Variants in IER3IP1 observed in about 807,000 individuals in gnomAD.
IER3IP1 encodes the protein immediate early response 3 interacting protein 1.
In IER3IP1, 16 loss-of-function variants were observed where a neutral mutation model predicts 12.2. The observed-to-expected ratio is 1.31, with a 90% CI of 0.89 to 1.99. The LOEUF (loss-of-function observed/expected upper bound fraction) is 1.99. IER3IP1 is among the 30% of genes most tolerant of loss of function. The pLI is 0.00. For missense variants in IER3IP1, 95 were observed against 95.8 expected, an observed-to-expected ratio of 0.99 and a Z score of 0.03; for synonymous variants, 42 against 40.0, an observed-to-expected ratio of 1.05 and a Z score of -0.19.
chr18:47,160,810 A>G (rs1164663449), intron 1 of IER3IP1, among the ~76,000 whole-genome samples: 1 of 152,140 alleles, frequency 6.6e-6, no homozygotes, highest in East Asian at 1.9e-4. Context: ...TGCCAGGAGG[A>G]CATATCTTTT....
intron 2 of IER3IP1, chr18:47,156,815 CA>C: frequency 1.2e-5 from 1 of 84,070 alleles, no homozygotes; most frequent in Middle Eastern, 0.013. Context: ...TTTTTTGAGA[CA>C]GAGTTTTGCT....
At position 47,176,227 on chromosome 18, in the gene IER3IP1, G is replaced by A; in HGVS notation, c.51C>T (p.Asn17=). Residue 17 remains asparagine (N), a synonymous_variant, in exon 1 of 3, where the codon AAC becomes AAT. Coordinates refer to ENST00000256433, the MANE Select transcript of IER3IP1 (RefSeq NM_016097.5). The stretch of plus-strand genomic sequence containing the variant: ...GCTCCTCGTGCAGCACTGCGATGGC[G>A]TTGACGCAGAGCAGGGCTGCCTGCA... ...SLLQAALLCV[N]AIAVLHEERF... 2 of 1,608,610 alleles carry A rather than the reference G, an allele frequency of 1.2e-6. No homozygotes were observed. The highest frequency in any genetic ancestry group is 1.7e-6 in the Non-Finnish European group (2 of 1,177,916).
chr18:47,155,665 T>C lies in IER3IP1; in HGVS notation c.*512A>G, dbSNP rs1184774088. On this transcript the variant is annotated 3_prime_UTR_variant, in exon 3 of 3. Transcript: ENST00000256433. ...AAATTTGAATTTATAGCTGAGACAA[T>C]AGACAAAATAATTAACCAAGGAGCT... 1 of 152,460 alleles carries C rather than the reference T, an allele frequency of 6.6e-6. No individual in the cohort carries two copies. Among genetic ancestry groups the C allele is most frequent in the Admixed American group, 6.5e-5 (1 of 15,290 alleles). The allele number at this position is 152,460 out of a possible 1,614,324, so 9.4% of individuals were successfully genotyped here.
At chr18:47,175,764 C>CTCTTAGCCCGAAACTCGGGCTAAGAAT (rs1471549337) in intron 1 of IER3IP1, among the ~76,000 whole-genome samples, 1 of 151,932 alleles carries the variant, frequency 6.6e-6, no homozygotes, top group Admixed American at 6.6e-5. Flanking sequence ...CCCGGCCCCA[C>CTCTTAGCCCGAAACTCGGGCTAAGAAT]ACCCCCAACT....
intron 1 of IER3IP1, among the ~76,000 whole-genome samples, chr18:47,168,375 T>G (rs1740626990): frequency 6.6e-6 from 1 of 151,862 alleles, no homozygotes. Context: ...GACTTGTTAT[T>G]AAACATAACT....
At chr18:47,175,715 C>G (rs1286382470) in intron 1 of IER3IP1, among the ~76,000 whole-genome samples, 1 of 152,056 alleles carries the variant, frequency 6.6e-6, no homozygotes, top group East Asian at 1.9e-4. Context: ...CCGGCCTCGG[C>G]CTGCCAAAGT....
chr18:47,169,604 T>G (rs1189970509), intron 1 of IER3IP1, among the ~76,000 whole-genome samples: 1 of 150,852 alleles, frequency 6.6e-6, no homozygotes, highest in Non-Finnish European at 1.5e-5. Flanking sequence ...TTTTTATTTA[T>G]TATATTTATT....
chr18:47,159,983 GTCGGGAGT>G (rs2063974702), intron 1 of IER3IP1, among the ~76,000 whole-genome samples: 1 of 151,986 alleles, frequency 6.6e-6, no homozygotes, highest in South Asian at 2.1e-4. Flanking sequence ...ATCACCTGAG[GTCGGGAGT>G]TCGAGACCAG....
chr18:47,174,762 A>G lies in IER3IP1; in HGVS notation c.91+1425T>C, dbSNP rs73442812. On this transcript the variant is annotated intron_variant, in intron 1 of 2. Transcript: ENST00000256433. ...CCTCAAGGATCTTGCAAATAACACAAATCTGGTCATGTCGCTGTCTTAAGA... is the reference window on the plus strand; with the variant it reads ...CCTCAAGGATCTTGCAAATAACACAGATCTGGTCATGTCGCTGTCTTAAGA... Among the ~76,000 whole-genome samples, 485 of 152,054 alleles carry G rather than the reference A, an allele frequency of 3.2e-3. 4 individuals carry two copies. Among genetic ancestry groups the G allele is most frequent in the African/African-American group, 0.011 (463 of 41,450 alleles).
At chr18:47,163,676 G>A (rs906566227) in intron 1 of IER3IP1, among the ~76,000 whole-genome samples, 6 of 152,158 alleles carry the variant, frequency 3.9e-5, no homozygotes, top group African/African-American at 1.4e-4. Flanking sequence ...GGTCGAGGAG[G>A]AATGAGGCAA....
intron 2 of IER3IP1, 33 bp from the exon 3 acceptor site, chr18:47,156,265 A>G: frequency 7.6e-7 from 1 of 1,310,044 alleles, no homozygotes; most frequent in Non-Finnish European, 1.1e-6. Flanking sequence ...TTGTTACTAT[A>G]AAGAAAAAAC....
At chr18:47,171,098 T>A (rs920636561) in intron 1 of IER3IP1, among the ~76,000 whole-genome samples, 1 of 152,132 alleles carries the variant, frequency 6.6e-6, no homozygotes, top group Admixed American at 6.5e-5. Context: ...GAAAGGGTAC[T>A]GGATTTTTGT....
At position 47,172,270 on chromosome 18, in the gene IER3IP1, C is replaced by T. The variant is rs1315875873; in HGVS notation, c.91+3917G>A. Among the ~76,000 whole-genome samples, 3 of 152,234 alleles carry T rather than the reference C, an allele frequency of 2.0e-5. No individual in the cohort carries two copies. The highest frequency in any genetic ancestry group is 4.4e-5 in the Non-Finnish European group (3 of 68,010). ...ACACCCCCATATCCCTTCAAGCTAC[C>T]TTTTCTTCTTTTCCTCCAACTTAAA... On this transcript the variant is annotated intron_variant, in intron 1 of 2. Coordinates refer to ENST00000256433, the MANE Select transcript of IER3IP1 (RefSeq NM_016097.5). The surrounding 1 kb of genome is among the most constrained non-coding windows in gnomAD (Gnocchi z 4.0).
rs901831163 is a variant in IER3IP1 at position 47,154,990 on chromosome 18, G to A, written c.*1187C>T. On this transcript the variant is annotated 3_prime_UTR_variant, in exon 3 of 3. Coordinates refer to ENST00000256433, the MANE Select transcript of IER3IP1 (RefSeq NM_016097.5). Reference sequence around the variant, plus strand: ...ATAAGAGGTGTTCACCCAAAATGGAGATTAATGCAGTTAACACTGACAGGT... The same window carrying A: ...ATAAGAGGTGTTCACCCAAAATGGAAATTAATGCAGTTAACACTGACAGGT... The A allele has an allele frequency of 2.0e-5, 3 of 152,188 alleles. No homozygotes were observed. Among genetic ancestry groups the A allele is most frequent in the Non-Finnish European group, 4.4e-5 (3 of 68,034 alleles). 9.4% of individuals were successfully genotyped at this position (152,188 alleles called of 1,614,324 possible). A position where few individuals can be genotyped will look rare whatever the true frequency, so the allele number is the denominator to read the frequency against.
rs960366759 is a variant in IER3IP1, at chr18:47,153,013, T to C, written c.*3164A>G. The C allele has an allele frequency of 6.6e-6, 1 of 152,206 alleles. No individual in the cohort carries two copies. Among genetic ancestry groups the C allele is most frequent in the Non-Finnish European group, 1.5e-5 (1 of 68,032 alleles). 9.4% of individuals were successfully genotyped at this position (152,206 alleles called of 1,614,324 possible). A position where few individuals can be genotyped will look rare whatever the true frequency, so the allele number is the denominator to read the frequency against. ...CAAAAACTACTGAGGTCTTAGGAAG[T>C]TTATTTGCTTTCAGTCACATGGTAA... is the stretch of plus-strand genomic sequence containing the variant. On this transcript the variant is annotated 3_prime_UTR_variant, in exon 3 of 3. Coordinates refer to ENST00000256433, the MANE Select transcript of IER3IP1 (RefSeq NM_016097.5).
intron 1 of IER3IP1, among the ~76,000 whole-genome samples, chr18:47,159,986 G>T (rs959565901): frequency 1.3e-5 from 2 of 151,824 alleles, no homozygotes; most frequent in East Asian, 3.9e-4. Flanking sequence ...ACCTGAGGTC[G>T]GGAGTTCGAG....
intron 1 of IER3IP1, among the ~76,000 whole-genome samples, chr18:47,166,798 CTATA>C (rs1413922366): frequency 3.3e-5 from 5 of 152,068 alleles, no homozygotes; most frequent in Non-Finnish European, 7.4e-5. Flanking sequence ...AAGAAAGCAC[CTATA>C]TAAACAATAT....
At chr18:47,159,606 AAAC>A (rs1483010145) in intron 1 of IER3IP1, among the ~76,000 whole-genome samples, 1 of 152,218 alleles carries the variant, frequency 6.6e-6, no homozygotes, top group Non-Finnish European at 1.5e-5. Context: ...AAAATAGTGA[AAAC>A]AACTGAAAAA....
intron 1 of IER3IP1, among the ~76,000 whole-genome samples, chr18:47,165,353 G>C (rs1455796113): frequency 6.6e-6 from 1 of 152,174 alleles, no homozygotes; most frequent in African/African-American, 2.4e-5. Flanking sequence ...AGAAGTTCAA[G>C]ACCAGCCTGG....
Sources: gnomAD v4.1 joint callset for allele counts (sites outside exome capture counted in the v4.1 genomes callset) on GRCh38, gnomAD v4.1.1 for gene constraint, Gnocchi (gnomAD v3.1) non-coding constraint, MANE v1.5 for transcripts, NCBI Gene and HGNC (gene_info 2026-07-23, HGNC 2026-07-21) for gene names.